TMEM18: variants seen among roughly 807,000 people sequenced by gnomAD.
The protein encoded by TMEM18 is transmembrane protein 18.
Under a neutral mutation model 17.4 loss-of-function variants are expected in TMEM18, and 14 were observed. The ratio of observed to expected loss-of-function variants is 0.80; its 90% CI spans 0.53 to 1.25. TMEM18 has a LOEUF of 1.25. TMEM18 is among the 50% of genes most tolerant of loss of function. The pLI is 0.00. For missense variants in TMEM18, 187 were observed against 172.1 expected, an observed-to-expected ratio of 1.09 and a Z score of -0.48; for synonymous variants, 86 against 66.1, an observed-to-expected ratio of 1.30 and a Z score of -1.46.
At chr2:675,783 C>A (rs901147091) in intron 1 of TMEM18, 153 bp from the exon 2 acceptor site, 35 of 1,532,886 alleles carry the variant, frequency 2.3e-5, no homozygotes, top group Non-Finnish European at 2.9e-5. Context: ...CATTGCCAGG[C>A]CTCAGAGAAA....
At position 665,254 on chromosome 2, in the gene TMEM18, C is replaced by G. The variant is rs1302719513; in HGVS notation, c.*4326G>C. Among the ~76,000 whole-genome samples, 2 of 150,754 alleles carry G rather than the reference C, an allele frequency of 1.3e-5. No individual in the cohort carries two copies. The highest frequency in any genetic ancestry group is 4.9e-5 in the African/African-American group (2 of 40,900). On this transcript the variant is annotated 3_prime_UTR_variant, in exon 5 of 5. Coordinates refer to ENST00000281017, the MANE Select transcript of TMEM18 (RefSeq NM_152834.4). ...GATAGAGAATCAACCCCATATACAACAGGATCCAGAGATGCAGACACCCCA... is the reference window on the plus strand; with the variant it reads ...GATAGAGAATCAACCCCATATACAAGAGGATCCAGAGATGCAGACACCCCA...
In TMEM18 at chr2:669,155, G is replaced by C. The variant is rs187971600; in HGVS notation, c.*425C>G. 115 of 160,576 alleles carry C rather than the reference G, an allele frequency of 7.2e-4. 1 individual carries two copies. The highest frequency in any genetic ancestry group is 1.3e-3 in the Non-Finnish European group (98 of 73,352). The allele number at this position is 160,576 out of a possible 1,614,324, so 9.9% of individuals were successfully genotyped here. The stretch of plus-strand genomic sequence containing the variant: ...GGAAGGTGAAAACACCCTCTACTGC[G>C]AACTGTGGCATGCACTAGAAAACAC... On this transcript the variant is annotated 3_prime_UTR_variant, in exon 5 of 5. Transcript: ENST00000281017.
intron 1 of TMEM18, chr2:677,064 GC>G: frequency 6.3e-6 from 2 of 317,788 alleles, no homozygotes; most frequent in Non-Finnish European, 1.1e-5. Context: ...CCCGGCCCCG[GC>G]CCCCTCCCAC....
At chr2:677,198 T>C in intron 1 of TMEM18, 91 bp downstream of exon 1, 1 of 1,502,018 alleles carries the variant, frequency 6.7e-7, no homozygotes, top group Admixed American at 2.0e-5. Context: ...GCCGGGGCCT[T>C]CTTGGCCACA....
rs775817777 is a variant in TMEM18 at position 665,559 on chromosome 2, G to A, written c.*4021C>T. On this transcript the variant is annotated 3_prime_UTR_variant, in exon 5 of 5. Coordinates refer to ENST00000281017, the MANE Select transcript of TMEM18 (RefSeq NM_152834.4). The stretch of plus-strand genomic sequence containing the variant: ...CCCACATAAACTAGAACCCAGAGAT[G>A]CAGATGCCCCACTCACTCAGAGAAT... Among the ~76,000 whole-genome samples, 1 of 148,400 alleles carries A rather than the reference G, an allele frequency of 6.7e-6. No individual in the cohort carries two copies. Among genetic ancestry groups the A allele is most frequent in the Non-Finnish European group, 1.5e-5 (1 of 67,628 alleles).
chr2:677,051 A>AGGCC, intron 1 of TMEM18: 1 of 188,582 alleles, frequency 5.3e-6, no homozygotes, highest in Non-Finnish European at 9.2e-6. Context: ...TCGCGCCCCG[A>AGGCC]CGCCCGGCCC....
At position 665,420 on chromosome 2, in the gene TMEM18, CA is replaced by C. The variant is rs1678658810; in HGVS notation, c.*4159del. 6.6e-6 allele frequency among the ~76,000 whole-genome samples: 1 copy of C among 151,826 alleles called. No individual in the cohort carries two copies. Among genetic ancestry groups the C allele is most frequent in the Non-Finnish European group, 1.5e-5 (1 of 67,974 alleles). Reference sequence around the variant, plus strand: ...CCATTCACTCAGATAATCAACCCCACATACAACAGGACCCAGAGATGCAGAT... The same window carrying C: ...CCATTCACTCAGATAATCAACCCCACTACAACAGGACCCAGAGATGCAGAT... On this transcript the variant is annotated 3_prime_UTR_variant, in exon 5 of 5. Transcript: ENST00000281017.
At chr2:671,230 C>T (rs924240201) in intron 3 of TMEM18, among the ~76,000 whole-genome samples, 2 of 152,050 alleles carry the variant, frequency 1.3e-5, no homozygotes, top group Non-Finnish European at 2.9e-5. Context: ...CAGGAGGCTG[C>T]GGCCAGAGGG....
rs1678981499 is a variant in TMEM18 at position 675,606 on chromosome 2, G to C, written c.82C>G (p.Leu28Val). Residue 28 changes from leucine (L) to valine (V), a missense_variant, in exon 2 of 5, where the codon CTC becomes GTC. By Grantham distance (32) the Leu-to-Val change is conservative. Coordinates refer to ENST00000281017, the MANE Select transcript of TMEM18 (RefSeq NM_152834.4). The part of the protein sequence containing the change: ...LTQTDWTEPW[L>V]MGLATFHALC... ...GCGTGGAAGGTGGCCAGCCCCATGA[G>C]CCAGGGCTCAGTCCAGTCCGTCTGC... 6.2e-7 allele frequency: 1 copy of C among 1,614,176 alleles called. No homozygotes were observed. Among genetic ancestry groups the C allele is most frequent in the Non-Finnish European group, 8.5e-7 (1 of 1,180,038 alleles).
intron 2 of TMEM18, among the ~76,000 whole-genome samples, chr2:674,019 A>G (rs1678930263): frequency 6.6e-6 from 1 of 152,116 alleles, no homozygotes; most frequent in East Asian, 1.9e-4. Flanking sequence ...TTGAATCTTG[A>G]TGGTGCTGGT....
rs183099769 is a variant in TMEM18 at position 666,336 on chromosome 2, C to G, written c.*3244G>C. On this transcript the variant is annotated 3_prime_UTR_variant, in exon 5 of 5. Coordinates refer to ENST00000281017, the MANE Select transcript of TMEM18 (RefSeq NM_152834.4). ...CTCAGGTTCCTTTCAGGGCCTGTGC[C>G]AGTCAGCGCCTCCCCTGGCATAGGT... Among the ~76,000 whole-genome samples the G allele has an allele frequency of 6.6e-6, 1 of 152,288 alleles. No individual in the cohort carries two copies. Among genetic ancestry groups the G allele is most frequent in the Admixed American group, 6.5e-5 (1 of 15,302 alleles).
intron 3 of TMEM18, among the ~76,000 whole-genome samples, chr2:671,846 C>T (rs552647652): frequency 6.7e-6 from 1 of 149,670 alleles, no homozygotes; most frequent in African/African-American, 2.5e-5. Context: ...TGGGACTGAA[C>T]CATGTGAAGG....
chr2:672,174 G>A (rs1432736541), intron 3 of TMEM18, among the ~76,000 whole-genome samples: 1 of 152,088 alleles, frequency 6.6e-6, no homozygotes, highest in Non-Finnish European at 1.5e-5. Flanking sequence ...CTTTTTTTCT[G>A]TTTTATATTT....
Position 669,632 on chromosome 2 carries a change from T to C in TMEM18, c.371A>G (p.Lys124Arg). 1.2e-6 allele frequency: 2 copies of C among 1,614,222 alleles called. No homozygotes were observed. The highest frequency in any genetic ancestry group is 1.7e-6 in the Non-Finnish European group (2 of 1,180,042). The change falls in exon 5 of 5, where the codon AAG (lysine) becomes AGG (arginine). Residue 124 changes from lysine (K) to arginine (R), a missense_variant. Physicochemically the swap from Lys to Arg is conservative, Grantham distance 26 (BLOSUM62 2). Transcript: ENST00000281017. ...TTCCTTTCTTCTCTCTTGTGCATTC[T>C]TCAGGTCAGTCATCACATTCAAAGT... ...WKTLNVMTDLKNAQERRKEKK... is the reference protein window; with the variant it reads ...WKTLNVMTDLRNAQERRKEKK...
At chr2:676,829 T>G in intron 1 of TMEM18, 1 of 629,632 alleles carries the variant, frequency 1.6e-6, no homozygotes, top group African/African-American at 1.8e-5. Flanking sequence ...CGCAAGACGC[T>G]GGACTGGCCG....
chr2:670,915 G>A (rs753771144), intron 3 of TMEM18: 7 of 152,496 alleles, frequency 4.6e-5, no homozygotes, highest in Admixed American at 6.5e-5. Flanking sequence ...GTCGGGGGAC[G>A]GCTTAGGGAC....
At position 666,213 on chromosome 2, in the gene TMEM18, A is replaced by C. The variant is rs1234348254; in HGVS notation, c.*3367T>G. 6.6e-6 allele frequency among the ~76,000 whole-genome samples: 1 copy of C among 152,230 alleles called. No individual in the cohort carries two copies. The highest frequency in any genetic ancestry group is 2.4e-5 in the African/African-American group (1 of 41,464). ...TTGGCCCAGGACTGGAGCAGAAGGC[A>C]GTAGCCCTGAGGCTTACAGAGCAGA... is the stretch of plus-strand genomic sequence containing the variant. On this transcript the variant is annotated 3_prime_UTR_variant, in exon 5 of 5. Transcript: ENST00000281017.
rs554743571 is a variant in TMEM18 at position 676,369 on chromosome 2, C to T, written c.58-739G>A. On this transcript the variant is annotated intron_variant, in intron 1 of 4. Coordinates refer to ENST00000281017, the MANE Select transcript of TMEM18 (RefSeq NM_152834.4). The stretch of plus-strand genomic sequence containing the variant: ...TCCCCATCCCCTCCTTGAGCGCCCT[C>T]CTGCAGAAGACAAGCCCTGCCCTCC... 2.9e-5 allele frequency: 41 copies of T among 1,413,100 alleles called. No individual in the cohort carries two copies. In the East Asian group the frequency reaches 1.0e-3, roughly 36 times the overall value. 87.5% of individuals were successfully genotyped at this position (1,413,100 alleles called of 1,614,324 possible). A position where few individuals can be genotyped will look rare whatever the true frequency, so the allele number is the denominator to read the frequency against.
At chr2:671,422 C>T (rs1678849593) in intron 3 of TMEM18, among the ~76,000 whole-genome samples, 1 of 128,158 alleles carries the variant, frequency 7.8e-6, no homozygotes, top group Admixed American at 7.7e-5. Context: ...TGGGACTGAA[C>T]CATGTGAAGG....
Sources: gnomAD v4.1 joint callset for allele counts (sites outside exome capture counted in the v4.1 genomes callset) on GRCh38, gnomAD v4.1.1 for gene constraint, MANE v1.5 for transcripts, NCBI Gene and HGNC (gene_info 2026-07-23, HGNC 2026-07-21) for gene names.